JAKMIP2: variants seen among roughly 807,000 people sequenced by gnomAD.
JAKMIP2 encodes the protein janus kinase and microtubule-interacting protein 2.
Under a neutral mutation model 115.0 loss-of-function variants are expected in JAKMIP2, and 25 were observed. The ratio of observed to expected loss-of-function variants is 0.22; its 90% CI spans 0.16 to 0.30. The LOEUF (loss-of-function observed/expected upper bound fraction) is 0.30. Ranked by LOEUF, JAKMIP2 falls within the 10% of genes least tolerant of loss-of-function variation. The probability of loss-of-function intolerance (pLI) is 1.00; values close to 1 mark genes in which losing one functional copy is unlikely to be tolerated. For missense variants in JAKMIP2, 642 were observed against 957.6 expected, an observed-to-expected ratio of 0.67 and a Z score of 4.35; for synonymous variants, 334 against 343.6, an observed-to-expected ratio of 0.97 and a Z score of 0.31.
chr5:147,644,692 A>C (rs1758042550), intron 6 of JAKMIP2, among the ~76,000 whole-genome samples, 158 bp downstream of exon 6: 1 of 152,200 alleles, frequency 6.6e-6, no homozygotes, highest in Admixed American at 6.5e-5. Flanking sequence ...AGAGCCAGCA[A>C]CCTTCTCTTG....
intron 16 of JAKMIP2, among the ~76,000 whole-genome samples, chr5:147,627,745 T>C (rs1350873467): frequency 6.8e-6 from 1 of 146,454 alleles, no homozygotes; most frequent in Non-Finnish European, 1.5e-5. Flanking sequence ...TTAACATTAA[T>C]TACTTTTGTC....
chr5:147,618,583 A>G (rs180870483), intron 18 of JAKMIP2, among the ~76,000 whole-genome samples: 1 of 152,224 alleles, frequency 6.6e-6, no homozygotes, highest in East Asian at 1.9e-4. Context: ...CTAAAAATAT[A>G]AAAAATTAGG....
intron 1 of JAKMIP2, among the ~76,000 whole-genome samples, chr5:147,714,791 G>C (rs1752907530): frequency 6.6e-6 from 1 of 152,054 alleles, no homozygotes; most frequent in Admixed American, 6.6e-5. Context: ...GTTGAAAGAA[G>C]GTAACTACCC....
intron 1 of JAKMIP2, among the ~76,000 whole-genome samples, chr5:147,699,990 G>T (rs1752259777): frequency 6.6e-6 from 1 of 152,156 alleles, no homozygotes. Context: ...TATCTATGTT[G>T]GTTGAAAGCA....
chr5:147,640,430 C>T (rs1386743679), intron 9 of JAKMIP2, among the ~76,000 whole-genome samples: 2 of 152,084 alleles, frequency 1.3e-5, no homozygotes, highest in African/African-American at 4.8e-5. Context: ...TCCTACCTTC[C>T]CTAGATAAAG....
intron 1 of JAKMIP2, among the ~76,000 whole-genome samples, chr5:147,767,258 C>T (rs775729926): frequency 2.6e-5 from 4 of 152,046 alleles, no homozygotes; most frequent in Non-Finnish European, 5.9e-5. Context: ...TGCCTTATTA[C>T]CTTGAGAAGC....
rs867819036 is a variant in JAKMIP2, at chr5:147,718,582, G to T, written c.-148-46628C>A. Among the ~76,000 whole-genome samples, 172 of 151,360 alleles carry T rather than the reference G, an allele frequency of 1.1e-3. 1 individual carries two copies. Among genetic ancestry groups the T allele is most frequent in the African/African-American group, 4.0e-3 (164 of 41,310 alleles). On this transcript the variant is annotated intron_variant, in intron 1 of 21. Transcript: ENST00000616793. The stretch of plus-strand genomic sequence containing the variant: ...CTTCCTGGTTTAGTCTTGGGAGAGT[G>T]TATGTGTCGAGGAATTTATCCATTT...
At chr5:147,632,846 T>C (rs1008078786) in intron 12 of JAKMIP2, 68 bp from the exon 13 acceptor site, 2 of 953,724 alleles carry the variant, frequency 2.1e-6, no homozygotes, top group Non-Finnish European at 3.4e-6. Flanking sequence ...AAAGCATGAA[T>C]AGTGTTCAGT....
At chr5:147,649,496 G>C (rs1305985856) in intron 4 of JAKMIP2, among the ~76,000 whole-genome samples, 1 of 152,036 alleles carries the variant, frequency 6.6e-6, no homozygotes, top group Non-Finnish European at 1.5e-5. Flanking sequence ...TGGCAGATTT[G>C]GGATTTGAAC....
chr5:147,591,741 C>T, intron 21 of JAKMIP2, 55 bp from the exon 22 acceptor site: 2 of 1,097,504 alleles, frequency 1.8e-6, no homozygotes, highest in Non-Finnish European at 2.7e-6. Flanking sequence ...ATAGCTGAAT[C>T]ATAAAAAACA....
intron 1 of JAKMIP2, among the ~76,000 whole-genome samples, chr5:147,692,484 G>A (rs952051978): frequency 6.6e-6 from 1 of 152,158 alleles, no homozygotes; most frequent in African/African-American, 2.4e-5. Context: ...GGTTCTTCTA[G>A]TGCATGTTTT....
rs570432831 is a variant in JAKMIP2 at position 147,658,337 on chromosome 5, T to C, written c.627+2611A>G. ...ACCCTTATTGCCTAGATATCACCAGTGGAGACTGCAGAACAGCAAAGATTG... is the reference window on the plus strand; with the variant it reads ...ACCCTTATTGCCTAGATATCACCAGCGGAGACTGCAGAACAGCAAAGATTG... On this transcript the variant is annotated intron_variant, in intron 3 of 21. Transcript: ENST00000616793. 2.6e-5 allele frequency among the ~76,000 whole-genome samples: 4 copies of C among 152,274 alleles called. No homozygotes were observed. The South Asian group carries it at 8.3e-4, about 32-fold the overall frequency.
intron 1 of JAKMIP2, among the ~76,000 whole-genome samples, chr5:147,776,833 C>T (rs988237318): frequency 1.3e-5 from 2 of 152,122 alleles, no homozygotes; most frequent in South Asian, 2.1e-4. Context: ...GAGACTAAGG[C>T]ACAAGAATCA....
At chr5:147,702,445 G>GGAAC (rs1752365727) in intron 1 of JAKMIP2, among the ~76,000 whole-genome samples, 1 of 119,988 alleles carries the variant, frequency 8.3e-6, no homozygotes, top group Non-Finnish European at 1.6e-5. Context: ...AAGGTAGGAA[G>GGAAC]GAAGGAAGGA....
intron 1 of JAKMIP2, among the ~76,000 whole-genome samples, chr5:147,778,476 G>T (rs1410604811): frequency 3.9e-5 from 6 of 151,956 alleles, no homozygotes; most frequent in Non-Finnish European, 8.8e-5. Flanking sequence ...AATTCAAATT[G>T]GTAAGATAAT....
At chr5:147,657,592 T>C (rs923180615) in intron 3 of JAKMIP2, among the ~76,000 whole-genome samples, 3 of 152,118 alleles carry the variant, frequency 2.0e-5, no homozygotes, top group African/African-American at 7.2e-5. Flanking sequence ...TATCCTCAAG[T>C]GTATTTTCCA....
At chr5:147,690,206 A>C (rs7706646) in intron 1 of JAKMIP2, among the ~76,000 whole-genome samples, 77 of 151,726 alleles carry the variant, frequency 5.1e-4, no homozygotes, top group Non-Finnish European at 1.0e-3. Flanking sequence ...AACAAACAAA[A>C]ATTGTTAGGC....
intron 1 of JAKMIP2, among the ~76,000 whole-genome samples, chr5:147,747,799 A>G (rs1285784235): frequency 6.6e-6 from 1 of 151,628 alleles, no homozygotes; most frequent in African/African-American, 2.4e-5. Flanking sequence ...GCCAAATTGA[A>G]CTCCCACTGT....
intron 9 of JAKMIP2, 117 bp downstream of exon 9, chr5:147,640,587 G>C: frequency 9.6e-7 from 1 of 1,038,832 alleles, no homozygotes; most frequent in Admixed American, 2.3e-5. Context: ...TTACTATTAT[G>C]AGATCACTTT....
Sources: gnomAD v4.1 joint callset for allele counts (sites outside exome capture counted in the v4.1 genomes callset) on GRCh38, gnomAD v4.1.1 for gene constraint, MANE v1.5 for transcripts, NCBI Gene and HGNC (gene_info 2026-07-23, HGNC 2026-07-21) for gene names.